KIF26B: variants seen among roughly 807,000 people sequenced by gnomAD.
The protein encoded by KIF26B is kinesin family member 26B, also known as kinesin-like protein KIF26B.
Under a neutral mutation model 151.2 loss-of-function variants are expected in KIF26B, and 63 were observed. The observed-to-expected ratio is 0.42, with a 90% CI of 0.34 to 0.51. The LOEUF (loss-of-function observed/expected upper bound fraction) is 0.51, where lower values mean the gene tolerates loss of function less well. Ranked by LOEUF, KIF26B falls within the 20% of genes least tolerant of loss-of-function variation. The probability of loss-of-function intolerance (pLI) is 0.07; values close to 1 mark genes in which losing one functional copy is unlikely to be tolerated. For missense variants in KIF26B, 2,813 were observed against 2,913.6 expected, an observed-to-expected ratio of 0.97 and a Z score of 0.79; for synonymous variants, 1,357 against 1,262.1, an observed-to-expected ratio of 1.08 and a Z score of -1.59.
intron 5 of KIF26B, among the ~76,000 whole-genome samples, chr1:245,551,843 A>G (rs1224816819): frequency 1.3e-5 from 2 of 152,106 alleles, no homozygotes; most frequent in South Asian, 2.1e-4. Flanking sequence ...AACCTCCCCA[A>G]CCCCAGGTTA....
intron 12 of KIF26B, 27 bp downstream of exon 12, chr1:245,688,834 G>C (rs765939796): frequency 3.2e-5 from 49 of 1,540,450 alleles, no homozygotes; most frequent in Non-Finnish European, 4.3e-5. Context: ...AGGGACGCGG[G>C]TGAGGAGGGC....
chr1:245,586,538 C>T (rs2043225438), intron 5 of KIF26B, among the ~76,000 whole-genome samples: 1 of 152,110 alleles, frequency 6.6e-6, no homozygotes, highest in Admixed American at 6.5e-5. Context: ...TTTGTCATTC[C>T]TCTATTCTTC....
At chr1:245,694,461 T>G (rs79785830) in intron 12 of KIF26B, among the ~76,000 whole-genome samples, 2 of 152,166 alleles carry the variant, frequency 1.3e-5, no homozygotes, top group Non-Finnish European at 2.9e-5. Flanking sequence ...CAGAAGCATA[T>G]TCCCCAGGGG....
chr1:245,266,598 C>A (rs756947579), intron 2 of KIF26B, among the ~76,000 whole-genome samples: 7 of 152,002 alleles, frequency 4.6e-5, no homozygotes, highest in Non-Finnish European at 8.8e-5. Context: ...ACCTCCGCTT[C>A]CCGGGTTCAA....
At chr1:245,630,996 T>C (rs901435889) in intron 9 of KIF26B, among the ~76,000 whole-genome samples, 2 of 152,200 alleles carry the variant, frequency 1.3e-5, no homozygotes, top group African/African-American at 4.8e-5. Context: ...TCCAGCCACA[T>C]TACCAAATTT....
intron 5 of KIF26B, among the ~76,000 whole-genome samples, chr1:245,577,888 G>A (rs113300326): frequency 6.6e-6 from 1 of 151,738 alleles, no homozygotes; most frequent in African/African-American, 2.4e-5. Flanking sequence ...GAAGAGCTTT[G>A]TGGAACTCCG....
intron 10 of KIF26B, among the ~76,000 whole-genome samples, chr1:245,655,109 A>T (rs2044059550): frequency 6.6e-6 from 1 of 152,180 alleles, no homozygotes; most frequent in African/African-American, 2.4e-5. Flanking sequence ...TGCGCCGTTG[A>T]GCTAGTGCTG....
intron 10 of KIF26B, among the ~76,000 whole-genome samples, chr1:245,661,869 TACAC>T (rs2044145224): frequency 2.0e-5 from 3 of 147,378 alleles, no homozygotes; most frequent in African/African-American, 5.1e-5. Flanking sequence ...ATGATATACA[TACAC>T]ACATACCCCC....
At chr1:245,305,815 G>C (rs1671525828) in intron 2 of KIF26B, among the ~76,000 whole-genome samples, 1 of 151,546 alleles carries the variant, frequency 6.6e-6, no homozygotes, top group African/African-American at 2.4e-5. Flanking sequence ...GCGGGCGCCT[G>C]TAGTCCCAGC....
chr1:245,177,090 G>C (rs1339511393), intron 2 of KIF26B, among the ~76,000 whole-genome samples: 2 of 152,194 alleles, frequency 1.3e-5, no homozygotes, highest in Admixed American at 6.5e-5. Flanking sequence ...GAGTAGCTGG[G>C]ACTACAGGTG....
intron 2 of KIF26B, among the ~76,000 whole-genome samples, chr1:245,225,004 T>C (rs180994545): frequency 6.6e-6 from 1 of 152,360 alleles, no homozygotes; most frequent in Non-Finnish European, 1.5e-5. Flanking sequence ...GTTTTCTCTA[T>C]ATTCTCCAAC....
In KIF26B at chr1:245,513,214, C is replaced by A. The variant is rs576636900; in HGVS notation, c.1167-27553C>A. Among the ~76,000 whole-genome samples, 440 of 151,582 alleles carry A rather than the reference C, an allele frequency of 2.9e-3. 3 individuals carry two copies. The highest frequency in any genetic ancestry group is 9.9e-3 in the African/African-American group (410 of 41,266). ...GTGGACAGCTCCAACCTGCACCCCC[C>A]CCCAACCCCGCCGCCCCCTCTAGAA... On this transcript the variant is annotated intron_variant, in intron 4 of 14. Coordinates refer to ENST00000407071, the MANE Select transcript of KIF26B (RefSeq NM_018012.4).
intron 5 of KIF26B, among the ~76,000 whole-genome samples, chr1:245,586,195 G>GTGTGTGTT (rs1239556943): frequency 8.7e-5 from 12 of 137,420 alleles, no homozygotes; most frequent in African/African-American, 2.9e-4. Context: ...GTGTGTGTGT[G>GTGTGTGTT]TGTTTGTTTT....
intron 2 of KIF26B, among the ~76,000 whole-genome samples, chr1:245,163,770 G>A (rs996235842): frequency 1.2e-4 from 19 of 152,166 alleles, no homozygotes; most frequent in Middle Eastern, 6.8e-3. Context: ...TATTGTAAAT[G>A]GAGTCTTCAC....
At chr1:245,561,610 TATCAACTCATTTATGTAC>T (rs1308216268) in intron 5 of KIF26B, among the ~76,000 whole-genome samples, 7 of 152,250 alleles carry the variant, frequency 4.6e-5, no homozygotes, top group African/African-American at 1.7e-4. Context: ...CATTTGCATG[TATCAACTCATTTATGTAC>T]ATCAACTCAT....
intron 4 of KIF26B, among the ~76,000 whole-genome samples, chr1:245,493,524 C>T (rs899405436): frequency 9.2e-5 from 14 of 152,226 alleles, no homozygotes; most frequent in African/African-American, 3.4e-4. Context: ...GGCAGCGTGG[C>T]AACGGCCTTT....
At chr1:245,639,729 TCATC>T (rs1212185466) in intron 9 of KIF26B, among the ~76,000 whole-genome samples, 3 of 152,026 alleles carry the variant, frequency 2.0e-5, no homozygotes, top group African/African-American at 7.2e-5. Flanking sequence ...GACCCATTGA[TCATC>T]CAGGAGCATG....
In KIF26B at chr1:245,244,136, T is replaced by G. The variant is rs144422502; in HGVS notation, c.465+87453T>G. ...TAATTTTTATTTATTTATTTATTTT[T>G]TGTAGAGATTGGGTCTTGCTATGTT... On this transcript the variant is annotated intron_variant, in intron 2 of 14. Coordinates refer to ENST00000407071, the MANE Select transcript of KIF26B (RefSeq NM_018012.4). The surrounding 1 kb of genome is among the most constrained non-coding windows in gnomAD (Gnocchi z 4.2). Among the ~76,000 whole-genome samples, 15 of 152,206 alleles carry G rather than the reference T, an allele frequency of 9.9e-5. No homozygotes were observed. The East Asian group carries it at 2.9e-3, about 29-fold the overall frequency.
At chr1:245,175,421 T>C (rs1668787101) in intron 2 of KIF26B, among the ~76,000 whole-genome samples, 1 of 151,938 alleles carries the variant, frequency 6.6e-6, no homozygotes, top group African/African-American at 2.4e-5. Flanking sequence ...TCATGATGGA[T>C]TATTCAGGTA....
Sources: gnomAD v4.1 joint callset for allele counts (sites outside exome capture counted in the v4.1 genomes callset) on GRCh38, gnomAD v4.1.1 for gene constraint, Gnocchi (gnomAD v3.1) non-coding constraint, MANE v1.5 for transcripts, NCBI Gene and HGNC (gene_info 2026-07-23, HGNC 2026-07-21) for gene names.